The following ACSL3 variants were observed in gnomAD, a reference collection of about 807,000 sequenced individuals.
The protein encoded by ACSL3 is fatty acid CoA ligase Acsl3.
A neutral mutation model predicts 84.7 loss-of-function variants in ACSL3; 34 were observed. The ratio of observed to expected loss-of-function variants is 0.40; its 90% CI spans 0.31 to 0.53. The LOEUF (loss-of-function observed/expected upper bound fraction) is 0.53, where lower values mean the gene tolerates loss of function less well. Ranked by LOEUF, ACSL3 falls within the 20% of genes least tolerant of loss-of-function variation. The pLI, the probability that ACSL3 is intolerant of heterozygous loss-of-function variation, is 0.48. For synonymous variants in ACSL3, 315 were observed against 299.4 expected (o/e 1.05, Z -0.54); for missense variants, 680 against 873.1 (o/e 0.78, Z 2.79).
In ACSL3 at chr2:222,872,572, T is replaced by TGAGACACCAAG. The variant is rs1695334409; in HGVS notation, c.-207+11316_-207+11317insGACACCAAGGA. Among the ~76,000 whole-genome samples, 7 of 152,276 alleles carry TGAGACACCAAG rather than the reference T, an allele frequency of 4.6e-5. No homozygotes were observed. The South Asian group carries it at 1.2e-3, about 27-fold the overall frequency. On this transcript the variant is annotated intron_variant, in intron 1 of 16. Transcript: ENST00000357430. ...TTGCTAGTGGACACCAAGGATAGAA[T>TGAGACACCAAG]GATGAATAAGACAAATACGGCCCTT...
intron 2 of ACSL3, among the ~76,000 whole-genome samples, chr2:222,891,392 T>C (rs1695841870): frequency 6.6e-6 from 1 of 152,214 alleles, no homozygotes; most frequent in Non-Finnish European, 1.5e-5. Context: ...GCAGCAGAGC[T>C]CAGTCTAGTC....
At chr2:222,928,204 C>G (rs1451455486) in intron 12 of ACSL3, among the ~76,000 whole-genome samples, 1 of 152,124 alleles carries the variant, frequency 6.6e-6, no homozygotes, top group Non-Finnish European at 1.5e-5. Context: ...TTGAAAGCCA[C>G]CAGTCTTATT....
At chr2:222,876,531 A>C (rs1480139263) in intron 1 of ACSL3, among the ~76,000 whole-genome samples, 1 of 152,090 alleles carries the variant, frequency 6.6e-6, no homozygotes, top group South Asian at 2.1e-4. Context: ...TATTTTGTCC[A>C]GGCTGGTCTT....
intron 1 of ACSL3, among the ~76,000 whole-genome samples, chr2:222,865,357 C>T (rs2106078291): frequency 6.6e-6 from 1 of 152,274 alleles, no homozygotes; most frequent in South Asian, 2.1e-4. Flanking sequence ...CTTAAATAAC[C>T]AACCTTTTGG....
chr2:222,887,684 A>G (rs1464469390), intron 1 of ACSL3, 146 bp from the exon 2 acceptor site: 1 of 152,098 alleles, frequency 6.6e-6, no homozygotes, highest in Admixed American at 6.5e-5. Flanking sequence ...TGCTAGCGTG[A>G]TAGGTTGGTG....
chr2:222,923,089 TAAA>T lies in ACSL3; in HGVS notation c.1096_1098del (p.Lys366del). On this transcript the variant is annotated inframe_deletion, in exon 10 of 17. Transcript: ENST00000357430. ...TTCTTATTTTGTAGTCTTCAAAAAT[TAAA>T]AAAGGAAGCAAAGGGGATACATCCA... 6.2e-7 allele frequency: 1 copy of T among 1,613,476 alleles called. No individual in the cohort carries two copies.
intron 2 of ACSL3, among the ~76,000 whole-genome samples, chr2:222,892,634 A>T (rs574329938): frequency 6.6e-6 from 1 of 152,160 alleles, no homozygotes; most frequent in South Asian, 2.1e-4. Context: ...TGGAAAGGAG[A>T]CTCTCAAAAG....
chr2:222,933,989 ATCT>A (rs1318250820), intron 15 of ACSL3, among the ~76,000 whole-genome samples: 1 of 152,234 alleles, frequency 6.6e-6, no homozygotes, highest in Non-Finnish European at 1.5e-5. Flanking sequence ...AACCAGAAGC[ATCT>A]TCTTCCTGAT....
At chr2:222,930,590 T>G (rs1697003378) in intron 13 of ACSL3, 31 bp from the exon 14 acceptor site, 1 of 1,511,484 alleles carries the variant, frequency 6.6e-7, no homozygotes, top group Non-Finnish European at 8.9e-7. Flanking sequence ...TGTATTTAAC[T>G]CAACTATTAA....
intron 1 of ACSL3, among the ~76,000 whole-genome samples, chr2:222,877,816 T>C (rs1319098745): frequency 6.6e-6 from 1 of 152,244 alleles, no homozygotes; most frequent in Non-Finnish European, 1.5e-5. Flanking sequence ...GGGAGCTGTG[T>C]ATTTAAGTTA....
intron 4 of ACSL3, among the ~76,000 whole-genome samples, chr2:222,910,744 C>T (rs1189689425): frequency 6.6e-6 from 1 of 152,152 alleles, no homozygotes; most frequent in African/African-American, 2.4e-5. Flanking sequence ...TGAAACCATC[C>T]TGATTTATAC....
intron 1 of ACSL3, among the ~76,000 whole-genome samples, chr2:222,861,943 C>T (rs1232280055): frequency 2.6e-5 from 4 of 152,098 alleles, no homozygotes; most frequent in South Asian, 2.1e-4. Flanking sequence ...TTATCAGGCT[C>T]GTTTCACAGA....
At chr2:222,870,522 AG>A (rs1422138982) in intron 1 of ACSL3, among the ~76,000 whole-genome samples, 16 of 152,360 alleles carry the variant, frequency 1.1e-4, no homozygotes, top group Admixed American at 1.0e-3. Context: ...GAGTGCCCTA[AG>A]GGGTCAGCGG....
At position 222,882,549 on chromosome 2, in the gene ACSL3, G is replaced by A. The variant is rs557992195; in HGVS notation, c.-206-5281G>A. On this transcript the variant is annotated intron_variant, in intron 1 of 16. Transcript: ENST00000357430. ...CAGGCATTAGATTCTCATAAGGAGC[G>A]GACAATCTAGAACCCTTGCATGCCG... Among the ~76,000 whole-genome samples, 6 of 152,146 alleles carry A rather than the reference G, an allele frequency of 3.9e-5. No homozygotes were observed. In the East Asian group the frequency reaches 1.2e-3, roughly 29 times the overall value.
At chr2:222,883,325 C>G (rs927527625) in intron 1 of ACSL3, among the ~76,000 whole-genome samples, 18 of 151,974 alleles carry the variant, frequency 1.2e-4, no homozygotes, top group Non-Finnish European at 1.0e-4. Flanking sequence ...GCTGGGATTA[C>G]AGGCATGCGC....
Position 222,930,638 on chromosome 2 carries a change from G to A in ACSL3, c.1558G>A (p.Asp520Asn), listed in dbSNP as rs1185021557. The change falls in exon 14 of 17, where the codon GAT (aspartate) becomes AAT (asparagine). Residue 520 changes from aspartate to asparagine, a missense_variant. This residue lies in a region of ACSL3 where 347 missense variants were observed against 525.7 expected (regional missense o/e 0.66). Transcript: ENST00000357430. Reference protein sequence around the residue: ...NWEEGGYFNTDKPHPRGEILI... With the variant: ...NWEEGGYFNTNKPHPRGEILI... Reference sequence around the variant, plus strand: ...TTTATTAGGTGGATACTTTAATACTGATAAGCCACACCCCAGGGGTGAAAT... The same window carrying A: ...TTTATTAGGTGGATACTTTAATACTAATAAGCCACACCCCAGGGGTGAAAT... The A allele has an allele frequency of 6.2e-7, 1 of 1,612,650 alleles. No homozygotes were observed. The highest frequency in any genetic ancestry group is 1.1e-5 in the South Asian group (1 of 90,968).
At chr2:222,887,366 A>G (rs908281709) in intron 1 of ACSL3, among the ~76,000 whole-genome samples, 2 of 152,218 alleles carry the variant, frequency 1.3e-5, no homozygotes, top group African/African-American at 2.4e-5. Context: ...TTTGGCAATT[A>G]TGAATCAAAC....
intron 16 of ACSL3, among the ~76,000 whole-genome samples, chr2:222,936,220 G>A (rs558709478): frequency 1.3e-5 from 2 of 152,284 alleles, no homozygotes; most frequent in African/African-American, 2.4e-5. Flanking sequence ...GAACATAGAT[G>A]TGCAAATATG....
chr2:222,871,598 A>C (rs1379530621), intron 1 of ACSL3, among the ~76,000 whole-genome samples: 1 of 152,198 alleles, frequency 6.6e-6, no homozygotes, highest in Non-Finnish European at 1.5e-5. Context: ...GGAGTGAAGA[A>C]AATGCAGTGA....
Sources: gnomAD v4.1 joint callset for allele counts (sites outside exome capture counted in the v4.1 genomes callset) on GRCh38, gnomAD v4.1.1 for gene constraint, gnomAD v4.1.1 regional missense constraint, MANE v1.5 for transcripts, NCBI Gene and HGNC (gene_info 2026-07-23, HGNC 2026-07-21) for gene names.